Variants in CCDC57 observed in about 807,000 individuals in gnomAD.
CCDC57 encodes the protein coiled-coil domain-containing protein 57.
In CCDC57, 118 loss-of-function variants were observed where a neutral mutation model predicts 118.9. That is an observed-to-expected ratio of 0.99 (90% CI 0.86 to 1.16). The LOEUF (loss-of-function observed/expected upper bound fraction) is 1.16, where lower values mean the gene tolerates loss of function less well. CCDC57 is among the 50% of genes most tolerant of loss of function. The probability of loss-of-function intolerance (pLI) is 0.00; values close to 1 mark genes in which losing one functional copy is unlikely to be tolerated. For missense variants in CCDC57, 1,300 were observed against 1,320.7 expected (o/e 0.98, Z 0.24); for synonymous variants, 527 against 532.9 (o/e 0.99, Z 0.15).
exon 5 of CCDC57, chr17:82,195,328 T>C (rs1437898579): frequency 6.2e-7 from 1 of 1,600,840 alleles, no homozygotes; most frequent in Non-Finnish European, 8.5e-7. Context: ...TCGTGCTCCC[T>C]CTTCCGCATT....
intron 14 of CCDC57, among the ~76,000 whole-genome samples, chr17:82,159,402 C>G (rs1183246570): frequency 6.6e-6 from 1 of 152,228 alleles, no homozygotes; most frequent in Non-Finnish European, 1.5e-5. Context: ...CCTTCACGGG[C>G]ACATGGATCT....
chr17:82,113,380 C>A, intron 19 of CCDC57: 1 of 717,394 alleles, frequency 1.4e-6, no homozygotes, highest in South Asian at 1.5e-5. Flanking sequence ...CTCTCTCAGT[C>A]ACAGCTTGTC....
At chr17:82,178,205 T>G (rs1265380308) in intron 11 of CCDC57, among the ~76,000 whole-genome samples, 1 of 152,174 alleles carries the variant, frequency 6.6e-6, no homozygotes, top group African/African-American at 2.4e-5. Context: ...TGAGGCAATA[T>G]CATAAGAACA....
intron 16 of CCDC57, among the ~76,000 whole-genome samples, chr17:82,151,062 C>T (rs1439185370): frequency 2.5e-5 from 3 of 120,982 alleles, no homozygotes; most frequent in Non-Finnish European, 3.4e-5. Flanking sequence ...GACCCGCACC[C>T]AGAACCAGGC....
chr17:82,120,957 G>A (rs776333399), intron 19 of CCDC57, among the ~76,000 whole-genome samples: 13 of 152,064 alleles, frequency 8.5e-5, no homozygotes, highest in South Asian at 2.1e-4. Context: ...GGGTTTCACC[G>A]TGTTAGCCAG....
intron 18 of CCDC57, 21 bp downstream of exon 17, chr17:82,128,472 C>G: frequency 6.6e-7 from 1 of 1,523,282 alleles, no homozygotes; most frequent in Non-Finnish European, 8.9e-7. Context: ...GCTGCACTTG[C>G]TCGGGCGCCG....
At chr17:82,123,982 C>CAAAAAAAAAAA (rs200031813) in intron 19 of CCDC57, among the ~76,000 whole-genome samples, 23 of 64,138 alleles carry the variant, frequency 3.6e-4, no homozygotes, top group East Asian at 5.1e-4. Context: ...CATCCAAAAG[C>CAAAAAAAAAAA]AAAAAAAAAA....
chr17:82,104,299 G>A (rs758171516), intron 19 of CCDC57, among the ~76,000 whole-genome samples: 3 of 152,220 alleles, frequency 2.0e-5, no homozygotes, highest in Non-Finnish European at 2.9e-5. Flanking sequence ...TGAGGAACGC[G>A]CCTCTTGGGT....
At position 82,112,305 on chromosome 17, in the gene CCDC57, G is replaced by A. The variant is rs980566539; in HGVS notation, c.2900-10439C>T. The A allele has an allele frequency of 2.0e-5, 3 of 152,250 alleles. No individual in the cohort carries two copies. In the East Asian group the frequency reaches 5.8e-4, roughly 29 times the overall value. The allele number at this position is 152,250 out of a possible 1,614,324, so 9.4% of individuals were successfully genotyped here. ...TTCTGTAGCTGCAGTTTCTCAGGCA[G>A]GTTCTAGACGAGCCTTCACTGCAGA... On this transcript the variant is annotated intron_variant, in intron 19 of 19. Coordinates refer to ENST00000665763, the Ensembl canonical transcript of CCDC57.
chr17:82,116,537 C>T (rs944097248), intron 19 of CCDC57, among the ~76,000 whole-genome samples: 1 of 152,166 alleles, frequency 6.6e-6, no homozygotes, highest in South Asian at 2.1e-4. Context: ...TCTCCTCTGA[C>T]CCCAGGACAT....
rs953319536 is a variant in CCDC57 at position 82,192,074 on chromosome 17, C to T, written c.851+1682G>A. On this transcript the variant is annotated intron_variant, in intron 7 of 19. Transcript: ENST00000665763. This position sits in a 1 kb window ranked among gnomAD's most constrained non-coding sequence, Gnocchi z 4.0. ...GGTCTCGGCTCAGTGAAACCTCCAC[C>T]TCCCAAGTTCAAGTGATTCCCCTGC... 6.6e-6 allele frequency among the ~76,000 whole-genome samples: 1 copy of T among 151,506 alleles called. No individual in the cohort carries two copies. Among genetic ancestry groups the T allele is most frequent in the African/African-American group, 2.4e-5 (1 of 41,140 alleles).
intron 17 of CCDC57, among the ~76,000 whole-genome samples, chr17:82,133,250 T>G (rs1392523078): frequency 1.3e-5 from 2 of 151,898 alleles, no homozygotes; most frequent in Non-Finnish European, 2.9e-5. Context: ...GGTACACACC[T>G]GTGGTCCCAG....
chr17:82,148,330 T>C (rs2041195863), intron 16 of CCDC57, among the ~76,000 whole-genome samples: 2 of 47,620 alleles, frequency 4.2e-5, no homozygotes, highest in African/African-American at 9.0e-5. Context: ...GGTGGGTGGA[T>C]GGATGGATGG....
At chr17:82,149,766 C>G (rs1349114158) in intron 16 of CCDC57, among the ~76,000 whole-genome samples, 2 of 151,478 alleles carry the variant, frequency 1.3e-5, no homozygotes, top group East Asian at 3.9e-4. Context: ...GGCGCACACC[C>G]AGAACCTGGC....
At chr17:82,184,025 GCGCGCGCACACA>G (rs1178763192) in intron 8 of CCDC57, 93 bp from the exon 8 acceptor site, 408 of 388,038 alleles carry the variant, frequency 1.1e-3, no homozygotes, top group African/African-American at 6.5e-3. Context: ...ATGCGCGCGC[GCGCGCGCACACA>G]CACACACACA....
chr17:82,159,928 C>T (rs924313100), intron 14 of CCDC57: 3 of 151,874 alleles, frequency 2.0e-5, no homozygotes, highest in African/African-American at 7.3e-5. Flanking sequence ...CTTGGACTCC[C>T]AAGGTGCTGG....
At chr17:82,196,939 C>A (rs1337110165) in intron 4 of CCDC57, among the ~76,000 whole-genome samples, 6 of 147,414 alleles carry the variant, frequency 4.1e-5, no homozygotes, top group African/African-American at 1.5e-4. Flanking sequence ...AGAGACGCAG[C>A]CCCTCGTGAC....
intron 7 of CCDC57, among the ~76,000 whole-genome samples, chr17:82,189,778 G>A (rs904498926): frequency 6.6e-5 from 10 of 151,426 alleles, no homozygotes; most frequent in African/African-American, 1.9e-4. Context: ...GCTCGAACCC[G>A]GGAGGCAGAG....
chr17:82,142,351 C>T lies in CCDC57; in HGVS notation c.2456-8157G>A, dbSNP rs181451597. On this transcript the variant is annotated intron_variant, in intron 16 of 19. Transcript: ENST00000665763. Reference sequence around the variant, plus strand: ...TTCTTGAGACGGAGTCTTGCTTTGTCGCCCAGGCTGGAGTGCAGTGGCGTG... The same window carrying T: ...TTCTTGAGACGGAGTCTTGCTTTGTTGCCCAGGCTGGAGTGCAGTGGCGTG... Among the ~76,000 whole-genome samples, 589 of 150,806 alleles carry T rather than the reference C, an allele frequency of 3.9e-3. 6 individuals carry two copies. The highest frequency in any genetic ancestry group is 0.014 in the African/African-American group (574 of 40,952).
Sources: allele counts gnomAD v4.1 joint callset (sites outside exome capture counted in the v4.1 genomes callset), GRCh38; gene constraint gnomAD v4.1.1; non-coding constraint Gnocchi (gnomAD v3.1); transcripts MANE v1.5; gene names NCBI Gene and HGNC (gene_info 2026-07-23, HGNC 2026-07-21).